Variants in KLHL20 observed in about 807,000 individuals in gnomAD.
The protein encoded by KLHL20 is kelch like family member 20.
KLHL20 carries 29 observed loss-of-function variants against 69.5 expected under a neutral mutation model. The ratio of observed to expected loss-of-function variants is 0.42; its 90% confidence interval spans 0.31 to 0.57. The LOEUF is 0.57. KLHL20 is among the 20% of genes least tolerant of loss of function. The pLI is 0.18. For synonymous variants in KLHL20, 253 were observed against 265.2 expected (o/e 0.95, Z 0.45); for missense variants, 419 against 776.0 (o/e 0.54, Z 5.47).
At chr1:173,750,980 T>C (rs1673284226) in intron 3 of KLHL20, among the ~76,000 whole-genome samples, 1 of 152,198 alleles carries the variant, frequency 6.6e-6, no homozygotes, top group Non-Finnish European at 1.5e-5. Context: ...ATCCATCAAC[T>C]TCATTAGAGG....
At chr1:173,741,661 C>T in intron 3 of KLHL20, 1 of 656,390 alleles carries the variant, frequency 1.5e-6, no homozygotes, top group Non-Finnish European at 2.3e-6. Context: ...TGGTGATGAC[C>T]TTCCCACAAG....
Position 173,756,835 on chromosome 1 carries a change from T to C in KLHL20, c.968-141T>C, listed in dbSNP as rs988540331. ...ATTATAGCAATCCCAGTGGAATGAG[T>C]TGAAGTCATAACTTGCATTTTGACC... On this transcript the variant is annotated intron_variant, in intron 6 of 11. Transcript: ENST00000209884. The C allele has an allele frequency of 7.8e-6, 5 of 637,324 alleles. No individual in the cohort carries two copies. The African/African-American group carries it at 9.1e-5, about 12-fold the overall frequency. 39.5% of individuals were successfully genotyped at this position (637,324 alleles called of 1,614,324 possible).
chr1:173,721,505 G>A (rs1307152854), intron 2 of KLHL20, among the ~76,000 whole-genome samples: 7 of 152,174 alleles, frequency 4.6e-5, no homozygotes, highest in African/African-American at 1.4e-4. Flanking sequence ...TGAGATGTCA[G>A]CAGTAGTTGT....
intron 10 of KLHL20, among the ~76,000 whole-genome samples, chr1:173,780,906 T>C (rs1648827796): frequency 6.6e-6 from 1 of 151,828 alleles, no homozygotes; most frequent in Non-Finnish European, 1.5e-5. Context: ...TTTTTTTGTA[T>C]TTTTAATAGA....
chr1:173,716,055 G>A lies in KLHL20; in HGVS notation c.12G>A (p.Lys4=), dbSNP rs778348223. The part of the protein sequence containing the change: MEG[K]PMRRCTNIRP... ...ACTTTTCATGGTGCATGGAAGGAAA[G>A]CCAATGCGCAGGTAGGCATTTAGGA... The change falls in exon 2 of 12, where the codon AAG becomes AAA. Residue 4 remains lysine, a synonymous_variant. Coordinates refer to ENST00000209884, the MANE Select transcript of KLHL20 (RefSeq NM_014458.4). 2 of 1,613,558 alleles carry A rather than the reference G, an allele frequency of 1.2e-6. No individual in the cohort carries two copies.
In KLHL20 at chr1:173,720,059, C is replaced by T. The variant is rs150504695; in HGVS notation, c.23+3993C>T. On this transcript the variant is annotated intron_variant, in intron 2 of 11. Transcript: ENST00000209884. ...ATCACTTGAGCCTAGGTGTTCAAGG[C>T]TGCAGTGAGCTGTGACTGTGCCACT... is the stretch of plus-strand genomic sequence containing the variant. 2.2e-4 allele frequency among the ~76,000 whole-genome samples: 33 copies of T among 151,992 alleles called. No individual in the cohort carries two copies. In the East Asian group the frequency reaches 6.1e-3, roughly 28 times the overall value.
At chr1:173,720,969 TA>T (rs962164585) in intron 2 of KLHL20, among the ~76,000 whole-genome samples, 30 of 147,140 alleles carry the variant, frequency 2.0e-4, no homozygotes, top group Non-Finnish European at 1.5e-4. Context: ...GCTAGAAATT[TA>T]AAAAAAAAAA....
intron 7 of KLHL20, among the ~76,000 whole-genome samples, chr1:173,765,669 T>C (rs1053855204): frequency 2.0e-5 from 3 of 152,054 alleles, no homozygotes; most frequent in Admixed American, 1.3e-4. Context: ...ATAACACATA[T>C]AATAGTAAAA....
chr1:173,716,050 G>A lies in KLHL20; in HGVS notation c.7G>A (p.Gly3Arg), dbSNP rs1461320575. The change falls in exon 2 of 12, where the codon GGA becomes AGA. Residue 3 changes from glycine (G) to arginine (R), a missense_variant. Transcript: ENST00000209884. ME[G>R]KPMRRCTNIR... ...AGGGTACTTTTCATGGTGCATGGAA[G>A]GAAAGCCAATGCGCAGGTAGGCATT... 1 of 1,613,648 alleles carries A rather than the reference G, an allele frequency of 6.2e-7. No homozygotes were observed. Among genetic ancestry groups the A allele is most frequent in the South Asian group, 1.1e-5 (1 of 91,004 alleles).
chr1:173,757,785 G>T (rs976049235), intron 7 of KLHL20, among the ~76,000 whole-genome samples: 1 of 151,416 alleles, frequency 6.6e-6, no homozygotes, highest in African/African-American at 2.4e-5. Flanking sequence ...TTGTTCCTTT[G>T]CCCTTCCATA....
intron 3 of KLHL20, among the ~76,000 whole-genome samples, chr1:173,738,967 G>C (rs1406887216): frequency 6.6e-6 from 1 of 152,058 alleles, no homozygotes; most frequent in African/African-American, 2.4e-5. Context: ...TCTTTGTTAT[G>C]TTCTTTCCTG....
intron 3 of KLHL20, among the ~76,000 whole-genome samples, chr1:173,743,225 C>A (rs1276675567): frequency 1.3e-5 from 2 of 151,436 alleles, no homozygotes; most frequent in Non-Finnish European, 3.0e-5. Flanking sequence ...ACTTTTTTAG[C>A]CTTATATTGG....
chr1:173,767,145 T>C (rs1647785004), intron 8 of KLHL20, among the ~76,000 whole-genome samples: 1 of 152,226 alleles, frequency 6.6e-6, no homozygotes, highest in Admixed American at 6.5e-5. Context: ...AGTGAGATCA[T>C]GCAATATTTG....
intron 7 of KLHL20, among the ~76,000 whole-genome samples, chr1:173,764,848 GTACCCCAA>G (rs1306107963): frequency 1.3e-5 from 2 of 151,636 alleles, no homozygotes; most frequent in African/African-American, 4.8e-5. Flanking sequence ...AATACCACCT[GTACCCCAA>G]TACCCCAATA....
At chr1:173,771,558 C>T (rs1219365963) in intron 8 of KLHL20, among the ~76,000 whole-genome samples, 3 of 152,070 alleles carry the variant, frequency 2.0e-5, no homozygotes, top group Non-Finnish European at 4.4e-5. Flanking sequence ...GAGTTTGAGA[C>T]CAGCCTAGGC....
At chr1:173,743,973 C>T (rs1217553962) in intron 3 of KLHL20, among the ~76,000 whole-genome samples, 1 of 152,114 alleles carries the variant, frequency 6.6e-6, no homozygotes, top group African/African-American at 2.4e-5. Context: ...CAATGAATAA[C>T]ATCTTATATG....
intron 3 of KLHL20, among the ~76,000 whole-genome samples, chr1:173,751,138 G>A (rs1217505559): frequency 2.0e-5 from 3 of 152,134 alleles, no homozygotes; most frequent in Admixed American, 6.6e-5. Flanking sequence ...GAATTACAAG[G>A]CCTTGGAATA....
intron 3 of KLHL20, among the ~76,000 whole-genome samples, chr1:173,749,418 C>T (rs943971252): frequency 1.3e-5 from 2 of 152,178 alleles, no homozygotes; most frequent in East Asian, 1.9e-4. Context: ...GAGTTCAGAT[C>T]GCCTCTAAAC....
chr1:173,742,487 A>G (rs903871751), intron 3 of KLHL20, among the ~76,000 whole-genome samples: 2 of 152,088 alleles, frequency 1.3e-5, no homozygotes, highest in East Asian at 1.9e-4. Flanking sequence ...AATTTTTCCA[A>G]TATTGAGGGA....
Sources: gnomAD v4.1 joint callset for allele counts (sites outside exome capture counted in the v4.1 genomes callset) on GRCh38, gnomAD v4.1.1 for gene constraint, MANE v1.5 for transcripts, NCBI Gene and HGNC (gene_info 2026-07-23, HGNC 2026-07-21) for gene names.